ANKRD55: variants seen among roughly 807,000 people sequenced by gnomAD.
The protein encoded by ANKRD55 is ankyrin repeat domain 55.
ANKRD55 carries 41 observed loss-of-function variants against 60.6 expected under a neutral mutation model. The observed-to-expected ratio is 0.68, with a 90% CI of 0.53 to 0.88. The LOEUF (loss-of-function observed/expected upper bound fraction) is 0.88. Among genes scored for constraint, ANKRD55 ranks in the 40% least tolerant of loss-of-function variants. ANKRD55 has a pLI of 0.00. For missense variants in ANKRD55, 732 were observed against 767.6 expected (o/e 0.95, Z 0.55); for synonymous variants, 264 against 290.3 (o/e 0.91, Z 0.92).
At chr5:56,128,305 G>A (rs968947009) in intron 7 of ANKRD55, among the ~76,000 whole-genome samples, 13 of 152,174 alleles carry the variant, frequency 8.5e-5, no homozygotes, top group African/African-American at 3.1e-4. Context: ...AGCATTAAGT[G>A]CAGATGGAGA....
Position 56,211,434 on chromosome 5 carries a change from C to T in ANKRD55, c.58+21422G>A, listed in dbSNP as rs999946642. On this transcript the variant is annotated intron_variant, in intron 2 of 11. Transcript: ENST00000341048. Reference sequence around the variant, plus strand: ...CTGTATGAGGTTGAGGTAGGTACTACAATTATTCCCATTTTATGGATGAGG... The same window carrying T: ...CTGTATGAGGTTGAGGTAGGTACTATAATTATTCCCATTTTATGGATGAGG... 5.3e-5 allele frequency among the ~76,000 whole-genome samples: 8 copies of T among 152,270 alleles called. No individual in the cohort carries two copies. In the East Asian group the frequency reaches 9.6e-4, roughly 18 times the overall value.
chr5:56,135,221 T>TCCTC (rs1186672189), intron 7 of ANKRD55, among the ~76,000 whole-genome samples: 1 of 36,086 alleles, frequency 2.8e-5, no homozygotes, highest in Non-Finnish European at 7.1e-5. Flanking sequence ...TTTCCTTCCT[T>TCCTC]CCTTCCTTCC....
chr5:56,127,053 G>A lies in ANKRD55; in HGVS notation c.666C>T (p.Ser222=). 6.2e-7 allele frequency: 1 copy of A among 1,613,678 alleles called. No homozygotes were observed. Among genetic ancestry groups the A allele is most frequent in the Non-Finnish European group, 8.5e-7 (1 of 1,179,806 alleles). The part of the protein sequence containing the change: ...SIILSHHQGP[S]IINYDDESGK... ...CACTCTCATCATCATAGTTGATTAT[G>A]GACGGCCCCTGGTGATGGCTCAGAA... Residue 222 remains serine (S), a synonymous_variant, in exon 8 of 12, where the codon TCC becomes TCT. Coordinates refer to ENST00000341048, the MANE Select transcript of ANKRD55 (RefSeq NM_024669.3).
At chr5:56,159,716 A>G in intron 6 of ANKRD55, 117 bp downstream of exon 6, 1 of 1,018,624 alleles carries the variant, frequency 9.8e-7, no homozygotes, top group South Asian at 1.4e-5. Context: ...GTAGGAACAC[A>G]GAACCATGCC....
intron 6 of ANKRD55, among the ~76,000 whole-genome samples, chr5:56,150,983 G>A (rs1009941659): frequency 6.6e-6 from 1 of 152,160 alleles, no homozygotes; most frequent in Non-Finnish European, 1.5e-5. Flanking sequence ...TTCATTTTCT[G>A]TAATTTCAGA....
At chr5:56,213,762 G>A (rs1363620175) in intron 2 of ANKRD55, among the ~76,000 whole-genome samples, 4 of 152,188 alleles carry the variant, frequency 2.6e-5, no homozygotes, top group South Asian at 2.1e-4. Context: ...CAGGACCAGA[G>A]GGCAGGGAAA....
rs528909275 is a variant in ANKRD55, at chr5:56,121,598, C to G, written c.798-4816G>C. On this transcript the variant is annotated intron_variant, in intron 8 of 11. Transcript: ENST00000341048. ...ATGTTGGCCAGGCTGGTCTCGATCT[C>G]CTGACCTCGTGATCCACCCGCCTGG... Among the ~76,000 whole-genome samples, 46 of 152,106 alleles carry G rather than the reference C, an allele frequency of 3.0e-4. No individual in the cohort carries two copies. The South Asian group carries it at 3.9e-3, about 13-fold the overall frequency.
At position 56,178,212 on chromosome 5, in the gene ANKRD55, C is replaced by T. The variant is rs146055295; in HGVS notation, c.182-1930G>A. Among the ~76,000 whole-genome samples the T allele has an allele frequency of 4.7e-3, 688 of 147,450 alleles. 5 individuals are homozygous for T. The highest frequency in any genetic ancestry group is 0.016 in the African/African-American group (636 of 39,896). ...TTCTTTCTTTTTTTTTTTTTTGAGA[C>T]GGCATCTTGCTCTGTTGCCCAGGCT... On this transcript the variant is annotated intron_variant, in intron 3 of 11. Coordinates refer to ENST00000341048, the MANE Select transcript of ANKRD55 (RefSeq NM_024669.3).
chr5:56,113,016 A>G (rs1003620814), intron 9 of ANKRD55, among the ~76,000 whole-genome samples: 2 of 152,160 alleles, frequency 1.3e-5, no homozygotes, highest in African/African-American at 4.8e-5. Flanking sequence ...ACCACCAGAG[A>G]GAGAGCCCCA....
intron 9 of ANKRD55, among the ~76,000 whole-genome samples, chr5:56,115,208 TAATAATAATAAATAAATA>T (rs1180776742): frequency 1.5e-5 from 1 of 68,632 alleles, no homozygotes; most frequent in Non-Finnish European, 3.3e-5. Flanking sequence ...CTAAAAATAA[TAATAATAATAAATAAATA>T]AATAAATAAA....
chr5:56,128,882 TG>T (rs1179641950), intron 7 of ANKRD55, among the ~76,000 whole-genome samples: 1 of 152,196 alleles, frequency 6.6e-6, no homozygotes, highest in Non-Finnish European at 1.5e-5. Context: ...TTAAAAAGAA[TG>T]GTCTATTAAT....
intron 2 of ANKRD55, among the ~76,000 whole-genome samples, chr5:56,227,101 A>G (rs1424029461): frequency 6.6e-6 from 1 of 152,138 alleles, no homozygotes; most frequent in Non-Finnish European, 1.5e-5. Flanking sequence ...ATGTCCATCG[A>G]TGATAGACTG....
chr5:56,156,484 T>C (rs957957199), intron 6 of ANKRD55, among the ~76,000 whole-genome samples: 6 of 152,244 alleles, frequency 3.9e-5, no homozygotes, highest in Non-Finnish European at 2.9e-5. Flanking sequence ...GGGAACTATG[T>C]CTTTGCTGGG....
intron 10 of ANKRD55, among the ~76,000 whole-genome samples, chr5:56,107,505 C>T (rs144289717): frequency 6.6e-6 from 1 of 152,240 alleles, no homozygotes; most frequent in African/African-American, 2.4e-5. Flanking sequence ...ACTAACTCTC[C>T]ATCTAATATC....
At chr5:56,147,513 T>G (rs1757928297) in intron 6 of ANKRD55, among the ~76,000 whole-genome samples, 2 of 152,254 alleles carry the variant, frequency 1.3e-5, no homozygotes, top group South Asian at 4.1e-4. Context: ...ACATTTATTT[T>G]TATAAGATAT....
Position 56,122,864 on chromosome 5 carries a change from C to G in ANKRD55, c.797+4058G>C, listed in dbSNP as rs1319013565. Among the ~76,000 whole-genome samples the G allele has an allele frequency of 2.6e-5, 4 of 151,638 alleles. No homozygotes were observed. In the South Asian group the frequency reaches 6.3e-4, roughly 24 times the overall value. ...CACTGCAACCTTCACCTCCTGGGCT[C>G]AAGCAATCCTCACATGTCAGCCCCC... On this transcript the variant is annotated intron_variant, in intron 8 of 11. Coordinates refer to ENST00000341048, the MANE Select transcript of ANKRD55 (RefSeq NM_024669.3).
In ANKRD55 at chr5:56,166,154, CTT is replaced by C. The variant is rs1758467642; in HGVS notation, c.422+4538_422+4539del. On this transcript the variant is annotated intron_variant, in intron 5 of 11. Coordinates refer to ENST00000341048, the MANE Select transcript of ANKRD55 (RefSeq NM_024669.3). ...TCTTTCTTTCTTTCTTTCTTTCTTT[CTT>C]CTTTCCTTCCTTCCTTCCTTCCTTC... Among the ~76,000 whole-genome samples the C allele has an allele frequency of 3.5e-3, 250 of 71,452 alleles. 11 individuals carry two copies. Among genetic ancestry groups the C allele is most frequent in the African/African-American group, 0.013 (176 of 13,584 alleles). The allele number at this position is 71,452 out of a possible 152,430, so 46.9% of individuals were successfully genotyped here. A position where few individuals can be genotyped will look rare whatever the true frequency, so the allele number is the denominator to read the frequency against.
At chr5:56,200,787 G>A (rs569985836) in intron 2 of ANKRD55, among the ~76,000 whole-genome samples, 1 of 152,308 alleles carries the variant, frequency 6.6e-6, no homozygotes, top group East Asian at 1.9e-4. Flanking sequence ...TCAGACCAGG[G>A]TAATTTGGGG....
chr5:56,171,616 T>C lies in ANKRD55; in HGVS notation c.313-813A>G, dbSNP rs1045535601. ...CTAAAGAGGATGTCTCCTACGTTCA[T>C]CCAGAATGGCTTGGGTTATTTGCCC... is the stretch of plus-strand genomic sequence containing the variant. On this transcript the variant is annotated intron_variant, in intron 4 of 11. Coordinates refer to ENST00000341048, the MANE Select transcript of ANKRD55 (RefSeq NM_024669.3). Among the ~76,000 whole-genome samples, 6 of 152,194 alleles carry C rather than the reference T, an allele frequency of 3.9e-5. No homozygotes were observed. In the East Asian group the frequency reaches 1.2e-3, roughly 29 times the overall value.
Sources: allele counts gnomAD v4.1 joint callset (sites outside exome capture counted in the v4.1 genomes callset), GRCh38; gene constraint gnomAD v4.1.1; transcripts MANE v1.5; gene names NCBI Gene and HGNC (gene_info 2026-07-23, HGNC 2026-07-21).